The following AZIN2 variants were observed in gnomAD, a reference collection of about 807,000 sequenced individuals.
AZIN2 encodes the protein antizyme inhibitor 2, also known as ODC antizyme inhibitor-2.
A neutral mutation model predicts 47.8 loss-of-function variants in AZIN2; 28 were observed. That is an observed-to-expected ratio of 0.59 (90% CI 0.43 to 0.80). The LOEUF (loss-of-function observed/expected upper bound fraction) is 0.80, where lower values mean the gene tolerates loss of function less well. Ranked by LOEUF, AZIN2 falls within the 30% of genes least tolerant of loss-of-function variation. AZIN2 has a pLI of 0.00. For synonymous variants in AZIN2, 221 were observed against 239.4 expected (o/e 0.92, Z 0.71); for missense variants, 535 against 582.5 (o/e 0.92, Z 0.84).
chr1:33,166,698 G>A, the AZIN2 span, among the ~76,000 whole-genome samples: 2 of 152,098 alleles, frequency 1.3e-5, no homozygotes, highest in African/African-American at 4.8e-5. Flanking sequence ...TTGATGCCAG[G>A]TGACACGTTT....
At chr1:33,145,757 A>T in the AZIN2 span, 1 of 423,266 alleles carries the variant, frequency 2.4e-6, no homozygotes, top group African/African-American at 2.0e-5. Flanking sequence ...AAGGGGCAGG[A>T]CAACCCTAGA....
the AZIN2 span, among the ~76,000 whole-genome samples, chr1:33,138,552 T>A: frequency 6.8e-6 from 1 of 148,006 alleles, no homozygotes; most frequent in Admixed American, 7.0e-5. Context: ...GTTGGGAGGC[T>A]GAGGCACTGT....
intron 5 of AZIN2, among the ~76,000 whole-genome samples, chr1:33,086,280 A>G (rs559140070): frequency 8.5e-5 from 13 of 152,114 alleles, no homozygotes; most frequent in Non-Finnish European, 1.8e-4. Context: ...GTATAAGGAA[A>G]TGAGAGATGG....
At chr1:33,125,541 C>T (rs1156403138), downstream of AZIN2, among the ~76,000 whole-genome samples, 1 of 152,182 alleles carries the variant, frequency 6.6e-6, no homozygotes, top group African/African-American at 2.4e-5. Context: ...TTAAAGGCCT[C>T]GGCTTGAATG....
intron 10 of AZIN2, among the ~76,000 whole-genome samples, chr1:33,107,235 G>C (rs1644052626): frequency 6.6e-6 from 1 of 151,708 alleles, no homozygotes; most frequent in Admixed American, 6.6e-5. Flanking sequence ...AGTGAGCCGA[G>C]ATCATGCCAC....
intron 10 of AZIN2, among the ~76,000 whole-genome samples, chr1:33,099,093 C>G (rs369050616): frequency 3.9e-5 from 6 of 152,080 alleles, no homozygotes; most frequent in Admixed American, 3.3e-4. Context: ...TTTGTGCAGC[C>G]CCTCTTCCTG....
At chr1:33,099,289 T>A (rs1032147195) in intron 10 of AZIN2, among the ~76,000 whole-genome samples, 10 of 152,062 alleles carry the variant, frequency 6.6e-5, no homozygotes, top group African/African-American at 2.4e-4. Context: ...CCCTCCCTCC[T>A]TCCTCCAGGT....
chr1:33,117,805 T>C (rs973328625), intron 10 of AZIN2, 97 bp from the exon 11 acceptor site: 1 of 1,334,948 alleles, frequency 7.5e-7, no homozygotes, highest in East Asian at 2.3e-5. Context: ...GACTTTATCC[T>C]GTTGGCTATG....
At chr1:33,097,776 AG>A (rs1240390991) in intron 9 of AZIN2, among the ~76,000 whole-genome samples, 1 of 151,734 alleles carries the variant, frequency 6.6e-6, no homozygotes, top group Non-Finnish European at 1.5e-5. Context: ...TGGGGTCTTG[AG>A]TTTGGGTGGG....
chr1:33,158,434 C>T, the AZIN2 span: 211 of 1,326,450 alleles, frequency 1.6e-4, no homozygotes, highest in African/African-American at 2.0e-3. Flanking sequence ...CCAGGGGCCC[C>T]GCAGCCACCT....
chr1:33,165,692 G>T, the AZIN2 span: 1 of 722,338 alleles, frequency 1.4e-6, no homozygotes. The surrounding 1 kb of genome is among the most constrained non-coding windows in gnomAD (Gnocchi z 4.0). Context: ...CTTGCCTCCC[G>T]TCACAGTTCA....
the AZIN2 span, among the ~76,000 whole-genome samples, chr1:33,139,548 A>G: frequency 6.6e-6 from 1 of 152,208 alleles, no homozygotes; most frequent in African/African-American, 2.4e-5. Flanking sequence ...CAGTAAGGAA[A>G]AGGAGGGCAT....
At chr1:33,100,342 A>G (rs1643579848) in intron 10 of AZIN2, among the ~76,000 whole-genome samples, 1 of 152,034 alleles carries the variant, frequency 6.6e-6, no homozygotes, top group Non-Finnish European at 1.5e-5. Flanking sequence ...AAAGAAAGAA[A>G]AGAAAAAAAG....
At chr1:33,086,884 C>A (rs1641963507) in intron 5 of AZIN2, among the ~76,000 whole-genome samples, 1 of 152,200 alleles carries the variant, frequency 6.6e-6, no homozygotes, top group African/African-American at 2.4e-5. Flanking sequence ...CCCATTTTTT[C>A]TTTCCTTCAG....
chr1:33,127,294 T>C (rs1644863599), downstream of AZIN2, among the ~76,000 whole-genome samples: 1 of 152,216 alleles, frequency 6.6e-6, no homozygotes, highest in African/African-American at 2.4e-5. Flanking sequence ...GAAGCCACGG[T>C]CTTCCGGTAG....
rs116615719 is a variant in AZIN2 at position 33,115,821 on chromosome 1, G to A, written c.1030-2081G>A. Among the ~76,000 whole-genome samples the A allele has an allele frequency of 2.8e-3, 432 of 152,280 alleles. 4 individuals carry two copies. The highest frequency in any genetic ancestry group is 0.01 in the African/African-American group (419 of 41,556). ...AATTTACACCACTAATAACAAGTGA[G>A]GGAATGCTAACTTCTTATAATCCAA... is the stretch of plus-strand genomic sequence containing the variant. On this transcript the variant is annotated intron_variant, in intron 10 of 11. Coordinates refer to ENST00000294517, the MANE Select transcript of AZIN2 (RefSeq NM_052998.4).
intron 10 of AZIN2, among the ~76,000 whole-genome samples, chr1:33,105,564 G>A (rs1170609387): frequency 2.0e-5 from 3 of 152,130 alleles, no homozygotes; most frequent in Admixed American, 6.6e-5. Context: ...TGTGAAGGGG[G>A]AACTTCCAAA....
In AZIN2 at chr1:33,081,207, C is replaced by T. The variant is rs1053506509; in HGVS notation, c.-493C>T. 1.9e-5 allele frequency: 3 copies of T among 154,116 alleles called. No individual in the cohort carries two copies. The highest frequency in any genetic ancestry group is 4.3e-5 in the Non-Finnish European group (3 of 69,316). 9.5% of individuals were successfully genotyped at this position (154,116 alleles called of 1,614,324 possible). The stretch of plus-strand genomic sequence containing the variant: ...GGGGCGCAGGCCGCGGGACCCGAGC[C>T]CGGGGAAGCGAGAGAGCGGAGGCGC... On this transcript the variant is annotated 5_prime_UTR_variant, in exon 1 of 12. Coordinates refer to ENST00000294517, the MANE Select transcript of AZIN2 (RefSeq NM_052998.4). The surrounding 1 kb of genome is among the most constrained non-coding windows in gnomAD (Gnocchi z 4.2).
chr1:33,094,201 C>T (rs896970152), intron 7 of AZIN2, among the ~76,000 whole-genome samples: 3 of 152,178 alleles, frequency 2.0e-5, no homozygotes, highest in Non-Finnish European at 2.9e-5. Flanking sequence ...GTCTTGTCCC[C>T]GCATTATAGG....
Sources: gnomAD v4.1 joint callset for allele counts (sites outside exome capture counted in the v4.1 genomes callset) on GRCh38, gnomAD v4.1.1 for gene constraint, Gnocchi (gnomAD v3.1) non-coding constraint, MANE v1.5 for transcripts, NCBI Gene and HGNC (gene_info 2026-07-23, HGNC 2026-07-21) for gene names.